The following RAPGEF5 variants were observed in gnomAD, a reference collection of about 807,000 sequenced individuals.
RAPGEF5 encodes the protein M-Ras-regulated GEF.
A neutral mutation model predicts 125.2 loss-of-function variants in RAPGEF5; 65 were observed. The observed-to-expected ratio is 0.52, with a 90% CI of 0.43 to 0.64. The LOEUF is 0.64. Ranked by LOEUF, RAPGEF5 falls within the 30% of genes least tolerant of loss-of-function variation. RAPGEF5 has a pLI of 0.00. For synonymous variants in RAPGEF5, 391 were observed against 385.9 expected (o/e 1.01, Z -0.16); for missense variants, 958 against 1,048.1 (o/e 0.91, Z 1.19).
intron 6 of RAPGEF5, among the ~76,000 whole-genome samples, chr7:22,283,443 C>G (rs1222390541): frequency 1.3e-5 from 2 of 152,164 alleles, no homozygotes; most frequent in East Asian, 3.8e-4. Context: ...TGGTTCTCCT[C>G]TATATATGGG....
chr7:22,142,791 GA>G (rs1359010041), intron 20 of RAPGEF5, among the ~76,000 whole-genome samples: 1 of 152,256 alleles, frequency 6.6e-6, no homozygotes, highest in Non-Finnish European at 1.5e-5. Context: ...TGGGGATGGT[GA>G]GAAGGAGGGG....
chr7:22,118,985 A>C lies in RAPGEF5; in HGVS notation c.*3421T>G, dbSNP rs879691429. 5.9e-5 allele frequency: 9 copies of C among 151,954 alleles called. No homozygotes were observed. Among genetic ancestry groups the C allele is most frequent in the Non-Finnish European group, 1.3e-4 (9 of 67,972 alleles). 9.4% of individuals were successfully genotyped at this position (151,954 alleles called of 1,614,324 possible). A position where few individuals can be genotyped will look rare whatever the true frequency, so the allele number is the denominator to read the frequency against. ...AGGACATGTTTTTGAAACATTTAAA[A>C]GAAATCCTGTGTTGGACCACTGCGG... On this transcript the variant is annotated 3_prime_UTR_variant, in exon 26 of 26. Transcript: ENST00000665637.
intron 1 of RAPGEF5, among the ~76,000 whole-genome samples, chr7:22,336,286 C>T (rs1477653252): frequency 6.6e-6 from 1 of 152,142 alleles, no homozygotes; most frequent in Non-Finnish European, 1.5e-5. Flanking sequence ...CTTTATTCTG[C>T]CCCAAACCAT....
chr7:22,325,272 T>C (rs1268157239), intron 1 of RAPGEF5, among the ~76,000 whole-genome samples: 2 of 152,216 alleles, frequency 1.3e-5, no homozygotes, highest in Non-Finnish European at 2.9e-5. Context: ...GAGGGAGTCA[T>C]GCCTTCTATA....
intron 7 of RAPGEF5, among the ~76,000 whole-genome samples, chr7:22,259,037 T>C (rs1371661827): frequency 6.6e-6 from 1 of 152,130 alleles, no homozygotes; most frequent in Non-Finnish European, 1.5e-5. Context: ...AATAAAAACA[T>C]TTCTGTTTTG....
chr7:22,299,927 G>T (rs1323541070), intron 5 of RAPGEF5, among the ~76,000 whole-genome samples: 1 of 152,018 alleles, frequency 6.6e-6, no homozygotes, highest in Non-Finnish European at 1.5e-5. Context: ...TTCATTATTT[G>T]TTTCTTAGTT....
intron 6 of RAPGEF5, among the ~76,000 whole-genome samples, chr7:22,283,835 A>T (rs1413031513): frequency 6.6e-6 from 1 of 152,170 alleles, no homozygotes; most frequent in Non-Finnish European, 1.5e-5. Context: ...TCATTGAGAC[A>T]TTTTACCCTT....
chr7:22,156,260 C>A (rs1238897404), intron 16 of RAPGEF5, among the ~76,000 whole-genome samples: 1 of 152,206 alleles, frequency 6.6e-6, no homozygotes. Context: ...AAGGAGAAAA[C>A]CACTGGTAAT....
chr7:22,165,530 A>G (rs1472451072), intron 12 of RAPGEF5, among the ~76,000 whole-genome samples: 1 of 152,218 alleles, frequency 6.6e-6, no homozygotes, highest in Non-Finnish European at 1.5e-5. Flanking sequence ...GGAAATCTGC[A>G]CATATTATTG....
At chr7:22,354,531 A>C (rs1784385704) in intron 1 of RAPGEF5, among the ~76,000 whole-genome samples, 1 of 151,808 alleles carries the variant, frequency 6.6e-6, no homozygotes, top group South Asian at 2.1e-4. Flanking sequence ...TTTCTTTCAA[A>C]CCCCCTGTGT....
At chr7:22,165,327 A>G (rs1784129027) in intron 12 of RAPGEF5, among the ~76,000 whole-genome samples, 1 of 152,216 alleles carries the variant, frequency 6.6e-6, no homozygotes. Context: ...AATGTAGTTT[A>G]AAGGCATCTC....
At chr7:22,211,976 T>TTG (rs1785518274) in intron 9 of RAPGEF5, among the ~76,000 whole-genome samples, 1 of 148,668 alleles carries the variant, frequency 6.7e-6, no homozygotes, top group Non-Finnish European at 1.5e-5. Flanking sequence ...TTTTTTTTTT[T>TTG]TTTTTTTTTA....
At chr7:22,236,681 G>A (rs1260531410) in intron 7 of RAPGEF5, among the ~76,000 whole-genome samples, 4 of 152,094 alleles carry the variant, frequency 2.6e-5, no homozygotes, top group African/African-American at 9.7e-5. Context: ...GGCTGCTACG[G>A]CATGGCCTCT....
intron 7 of RAPGEF5, among the ~76,000 whole-genome samples, chr7:22,251,085 G>C (rs147976298): frequency 1.1e-4 from 16 of 152,222 alleles, no homozygotes; most frequent in African/African-American, 3.4e-4. Flanking sequence ...TAGTATATAA[G>C]AGACATGATT....
intron 9 of RAPGEF5, among the ~76,000 whole-genome samples, chr7:22,208,370 A>G (rs1317846535): frequency 6.6e-6 from 1 of 152,182 alleles, no homozygotes; most frequent in Non-Finnish European, 1.5e-5. Flanking sequence ...GCAACAAGCT[A>G]AATAGCTATT....
chr7:22,346,346 C>T (rs989323468), intron 1 of RAPGEF5, among the ~76,000 whole-genome samples: 4 of 152,236 alleles, frequency 2.6e-5, no homozygotes, highest in Middle Eastern at 6.8e-3. Context: ...TCATACTTCC[C>T]CTAATCTCCA....
intron 11 of RAPGEF5, among the ~76,000 whole-genome samples, chr7:22,167,581 C>T (rs1316022498): frequency 1.3e-5 from 2 of 152,156 alleles, no homozygotes; most frequent in Non-Finnish European, 2.9e-5. Flanking sequence ...AAGCCATTTA[C>T]TTAAGTCTAG....
At chr7:22,328,796 G>A (rs1433742602) in intron 1 of RAPGEF5, among the ~76,000 whole-genome samples, 3 of 152,166 alleles carry the variant, frequency 2.0e-5, no homozygotes, top group African/African-American at 4.8e-5. Flanking sequence ...CTTTCTTGGC[G>A]GAGGAGGTCA....
intron 7 of RAPGEF5, among the ~76,000 whole-genome samples, chr7:22,262,212 T>C (rs1167997872): frequency 6.7e-6 from 1 of 149,634 alleles, no homozygotes; most frequent in Admixed American, 6.6e-5. Context: ...AACTCAACTA[T>C]AAAAAACAAA....
Sources: allele counts gnomAD v4.1 joint callset (sites outside exome capture counted in the v4.1 genomes callset), GRCh38; gene constraint gnomAD v4.1.1; transcripts MANE v1.5; gene names NCBI Gene and HGNC (gene_info 2026-07-23, HGNC 2026-07-21).